Variants in SNTG1 observed in about 807,000 individuals in gnomAD.
SNTG1 encodes gamma-1-syntrophin.
Under a neutral mutation model 74.7 loss-of-function variants are expected in SNTG1, and 39 were observed. That is an observed-to-expected ratio of 0.52 (90% CI 0.40 to 0.68). SNTG1 has a LOEUF of 0.68. Ranked by LOEUF, SNTG1 falls within the 30% of genes least tolerant of loss-of-function variation. SNTG1 has a pLI of 0.00. For synonymous variants in SNTG1, 254 were observed against 217.1 expected, an observed-to-expected ratio of 1.17 and a Z score of -1.49; for missense variants, 685 against 609.5, an observed-to-expected ratio of 1.12 and a Z score of -1.30.
At chr8:49,935,392 CT>C (rs35517917) in intron 1 of SNTG1, among the ~76,000 whole-genome samples, 1,516 of 132,120 alleles carry the variant, frequency 0.011, 23 homozygotes, top group African/African-American at 0.034. Context: ...CCATTAATTC[CT>C]TTTTTTTTTT....
chr8:50,591,916 C>G (rs1324131137), intron 13 of SNTG1, among the ~76,000 whole-genome samples: 1 of 152,202 alleles, frequency 6.6e-6, no homozygotes, highest in Non-Finnish European at 1.5e-5. Context: ...CCACATGCTG[C>G]AGCAGCCTGT....
intron 17 of SNTG1, among the ~76,000 whole-genome samples, chr8:50,745,663 G>A (rs908487641): frequency 4.6e-5 from 7 of 151,842 alleles, no homozygotes; most frequent in Admixed American, 2.6e-4. Context: ...CTCAAGTGTC[G>A]GTCGATAAAT....
intron 11 of SNTG1, among the ~76,000 whole-genome samples, chr8:50,546,971 T>C (rs1490860182): frequency 6.6e-6 from 1 of 151,992 alleles, no homozygotes; most frequent in South Asian, 2.1e-4. Flanking sequence ...TTAGTAGAGA[T>C]GGGGTTTTGC....
intron 1 of SNTG1, among the ~76,000 whole-genome samples, chr8:49,951,873 C>CAAAAAAAAAAAAAAAAAAAAA (rs5891338): frequency 1.1e-4 from 6 of 56,294 alleles, no homozygotes; most frequent in Non-Finnish European, 1.3e-4. Flanking sequence ...GGAAAATTCA[C>CAAAAAAAAAAAAAAAAAAAAA]AAAAAAAAAA....
In SNTG1 at chr8:50,792,645, C is replaced by G. The variant is rs529563854; in HGVS notation, c.1396-26C>G. 7.8e-5 allele frequency: 124 copies of G among 1,585,612 alleles called. 1 individual carries two copies. In the South Asian group the frequency reaches 1.3e-3, roughly 16 times the overall value. ...TTAAAGACATTAATTTTTATGTTAT[C>G]TGACCTGTTTCTCTTTCCCTTTCAG... is the stretch of plus-strand genomic sequence containing the variant. On this transcript the variant is annotated intron_variant, in intron 18 of 18. Transcript: ENST00000642720.
At chr8:49,942,909 C>T (rs1268720139) in intron 1 of SNTG1, among the ~76,000 whole-genome samples, 5 of 152,132 alleles carry the variant, frequency 3.3e-5, no homozygotes, top group African/African-American at 4.8e-5. Flanking sequence ...ATACTGTGCT[C>T]TTTGGAAAAT....
At chr8:50,288,065 T>A (rs2088884485) in intron 2 of SNTG1, among the ~76,000 whole-genome samples, 1 of 152,166 alleles carries the variant, frequency 6.6e-6, no homozygotes, top group South Asian at 2.1e-4. Context: ...TTTACAAAAA[T>A]ACCAGGATGC....
chr8:50,469,166 G>A (rs1051521415), intron 8 of SNTG1, among the ~76,000 whole-genome samples: 1 of 152,136 alleles, frequency 6.6e-6, no homozygotes, highest in African/African-American at 2.4e-5. Flanking sequence ...TTCTTGCAGT[G>A]GAGAGTTCCT....
At chr8:50,036,734 C>T (rs529520691) in intron 1 of SNTG1, among the ~76,000 whole-genome samples, 2 of 152,254 alleles carry the variant, frequency 1.3e-5, no homozygotes, top group South Asian at 2.1e-4. Flanking sequence ...CATAAACAGG[C>T]TAAAAACCAA....
chr8:49,933,199 A>G (rs1807751113), intron 1 of SNTG1, among the ~76,000 whole-genome samples: 1 of 152,174 alleles, frequency 6.6e-6, no homozygotes, highest in African/African-American at 2.4e-5. Context: ...ACTGTTTTCC[A>G]AAGTAGCTGT....
chr8:50,394,288 T>C (rs754780488), intron 3 of SNTG1, 23 bp downstream of exon 3: 1 of 1,608,386 alleles, frequency 6.2e-7, no homozygotes, highest in Non-Finnish European at 8.5e-7. Flanking sequence ...CTTTCTGCTT[T>C]TCAAACAGGG....
chr8:49,933,970 T>A (rs551186930), intron 1 of SNTG1, among the ~76,000 whole-genome samples: 7 of 152,292 alleles, frequency 4.6e-5, no homozygotes, highest in African/African-American at 1.7e-4. Context: ...AGTAAACCTA[T>A]AATTTATATC....
intron 2 of SNTG1, among the ~76,000 whole-genome samples, chr8:50,357,693 T>A (rs1165830554): frequency 6.6e-6 from 1 of 152,222 alleles, no homozygotes; most frequent in Non-Finnish European, 1.5e-5. Flanking sequence ...TTTTCCAGAA[T>A]GACTTTCTCA....
chr8:50,660,389 G>A (rs1240661193), intron 15 of SNTG1, among the ~76,000 whole-genome samples: 2 of 85,646 alleles, frequency 2.3e-5, no homozygotes, highest in African/African-American at 7.9e-5. Flanking sequence ...AAGGAAGGAA[G>A]GAAGAAAAAG....
At chr8:50,185,262 T>C (rs539312714) in intron 2 of SNTG1, among the ~76,000 whole-genome samples, 1 of 152,310 alleles carries the variant, frequency 6.6e-6, no homozygotes, top group East Asian at 1.9e-4. Context: ...GCATATCACA[T>C]AACCCCTGCT....
intron 2 of SNTG1, among the ~76,000 whole-genome samples, chr8:50,374,910 G>C (rs563113119): frequency 6.6e-6 from 1 of 152,178 alleles, no homozygotes; most frequent in Non-Finnish European, 1.5e-5. Context: ...TGTTTTCATC[G>C]TGAAGAAAGA....
At chr8:49,967,073 T>C (rs1811208530) in intron 1 of SNTG1, among the ~76,000 whole-genome samples, 1 of 152,236 alleles carries the variant, frequency 6.6e-6, no homozygotes, top group Non-Finnish European at 1.5e-5. Context: ...CAATAGCTTA[T>C]ACTCACTATT....
At chr8:50,731,142 C>G (rs1347306389) in intron 17 of SNTG1, among the ~76,000 whole-genome samples, 1 of 152,064 alleles carries the variant, frequency 6.6e-6, no homozygotes, top group Non-Finnish European at 1.5e-5. Context: ...CAGTACACTG[C>G]CAACAACAAA....
intron 15 of SNTG1, among the ~76,000 whole-genome samples, chr8:50,676,091 A>C (rs1381956764): frequency 1.3e-5 from 2 of 151,872 alleles, no homozygotes; most frequent in African/African-American, 4.8e-5. Context: ...ACCTTGGAAA[A>C]TCTAATGATT....
Sources: gnomAD v4.1 joint callset for allele counts (sites outside exome capture counted in the v4.1 genomes callset) on GRCh38, gnomAD v4.1.1 for gene constraint, MANE v1.5 for transcripts, NCBI Gene and HGNC (gene_info 2026-07-23, HGNC 2026-07-21) for gene names.